Variants in CMC2 observed in about 807,000 individuals in gnomAD.
The protein encoded by CMC2 is COX assembly mitochondrial protein 2 homolog.
CMC2 carries 5 observed loss-of-function variants against 7.5 expected under a neutral mutation model. That is an observed-to-expected ratio of 0.66 (90% CI 0.35 to 1.40). CMC2 has a LOEUF of 1.40. Among genes scored for constraint, CMC2 ranks in the 40% most tolerant of loss-of-function variants. CMC2 has a pLI of 0.04. For synonymous variants in CMC2, 37 were observed against 31.4 expected, an observed-to-expected ratio of 1.18 and a Z score of -0.60; for missense variants, 115 against 92.3, an observed-to-expected ratio of 1.25 and a Z score of -1.01.
chr16:80,982,719 T>G (rs1315512688), intron 2 of CMC2: 1 of 152,228 alleles, frequency 6.6e-6, no homozygotes, highest in African/African-American at 2.4e-5. Flanking sequence ...CTGCGGTATA[T>G]ACTGTACTGC....
chr16:81,001,841 AACAC>A (rs72159358), intron 1 of CMC2, among the ~76,000 whole-genome samples: 18,315 of 150,038 alleles, frequency 0.12, 1,228 homozygotes, highest in East Asian at 0.25. Context: ...GTAACTACTA[AACAC>A]ACACACACAC....
intron 2 of CMC2, among the ~76,000 whole-genome samples, chr16:80,991,393 G>C (rs1967979160): frequency 6.6e-6 from 1 of 152,130 alleles, no homozygotes; most frequent in Non-Finnish European, 1.5e-5. Flanking sequence ...CCAGCACTTT[G>C]GTAGGCTAAG....
Position 80,979,695 on chromosome 16 carries a change from A to G in CMC2, c.153+2111T>C, listed in dbSNP as rs993143504. On this transcript the variant is annotated intron_variant, in intron 3 of 3. Coordinates refer to ENST00000219400, the MANE Select transcript of CMC2 (RefSeq NM_020188.5). ...GAATGCAGTAATGTGATCTGGGCTC[A>G]CCGCAACCTCCGTCTCCCAGGCTCA... 2.6e-5 allele frequency among the ~76,000 whole-genome samples: 4 copies of G among 152,032 alleles called. No homozygotes were observed. The South Asian group carries it at 8.3e-4, about 32-fold the overall frequency.
chr16:80,997,411 T>C lies in CMC2; in HGVS notation c.-17A>G, dbSNP rs1281297384. On this transcript the variant is annotated 5_prime_UTR_variant, in exon 2 of 4. Transcript: ENST00000219400. ...AGGATGCATCTTTAGGAGATGAGGA[T>C]GGATCACAGCAGTGCAACCTGTGGA... 3.1e-6 allele frequency: 5 copies of C among 1,602,324 alleles called. No individual in the cohort carries two copies. Among genetic ancestry groups the C allele is most frequent in the South Asian group, 1.1e-5 (1 of 90,848 alleles).
chr16:80,982,906 C>G (rs62054249), intron 2 of CMC2: 5,656 of 166,716 alleles, frequency 0.034, 125 homozygotes, highest in Non-Finnish European at 0.046. Flanking sequence ...ACTAGTAATG[C>G]TGGAAGTGCT....
intron 1 of CMC2, chr16:80,998,653 C>G (rs927782797): frequency 1.6e-4 from 25 of 152,000 alleles, no homozygotes; most frequent in African/African-American, 5.6e-4. Flanking sequence ...TGGATCAGCA[C>G]AATGTGGTAT....
intron 2 of CMC2, among the ~76,000 whole-genome samples, chr16:80,987,017 A>C (rs1967595148): frequency 6.6e-6 from 1 of 152,210 alleles, no homozygotes; most frequent in African/African-American, 2.4e-5. Flanking sequence ...CCTGTGGAAG[A>C]GTGTTTTGAG....
rs1256201447 is a variant in CMC2 at position 80,975,661 on chromosome 16, AAT to A, written c.*430_*431del. 3 of 153,098 alleles carry A rather than the reference AAT, an allele frequency of 2.0e-5. No individual in the cohort carries two copies. The highest frequency in any genetic ancestry group is 7.2e-5 in the African/African-American group (3 of 41,458). 9.5% of individuals were successfully genotyped at this position (153,098 alleles called of 1,614,324 possible). Reference sequence around the variant, plus strand: ...ATTTAGAAAATCACTCTTTAAAAACAATAAAGTTGCAACATTTTCAAATAGTT... The same window carrying A: ...ATTTAGAAAATCACTCTTTAAAAACAAAAGTTGCAACATTTTCAAATAGTT... On this transcript the variant is annotated 3_prime_UTR_variant, in exon 4 of 4. Transcript: ENST00000219400.
At chr16:80,993,606 A>G (rs1305713599) in intron 2 of CMC2, among the ~76,000 whole-genome samples, 2 of 152,224 alleles carry the variant, frequency 1.3e-5, no homozygotes, top group East Asian at 1.9e-4. Context: ...CTGGGAGTCA[A>G]TGGAGTCCTT....
intron 2 of CMC2, among the ~76,000 whole-genome samples, chr16:80,989,293 C>G (rs1967788544): frequency 6.6e-6 from 1 of 152,162 alleles, no homozygotes; most frequent in Non-Finnish European, 1.5e-5. Flanking sequence ...TAGCACTCCT[C>G]TTATATTTTA....
Position 80,966,596 on chromosome 16 carries a change from A to G in CMC2, c.*9497T>C, listed in dbSNP as rs1262858702. Reference sequence around the variant, plus strand: ...ATTTTATAATACCAATTTCAAAACAATATTATTTTTATTATAAAGTTTTAC... The same window carrying G: ...ATTTTATAATACCAATTTCAAAACAGTATTATTTTTATTATAAAGTTTTAC... On this transcript the variant is annotated 3_prime_UTR_variant, in exon 4 of 4. Transcript: ENST00000219400. The G allele has an allele frequency of 6.6e-6, 1 of 152,190 alleles. No individual in the cohort carries two copies. Among genetic ancestry groups the G allele is most frequent in the Non-Finnish European group, 1.5e-5 (1 of 68,044 alleles). The allele number at this position is 152,190 out of a possible 1,614,324, so 9.4% of individuals were successfully genotyped here.
intron 2 of CMC2, chr16:80,982,514 GAAAAAAAAAAA>G (rs758135840): frequency 7.5e-5 from 3 of 39,786 alleles, no homozygotes; most frequent in East Asian, 8.0e-4. Context: ...TCCGTCTCAG[GAAAAAAAAAAA>G]AAAAAAAAAA....
Position 80,989,990 on chromosome 16 carries a change from A to AT in CMC2, c.81+7323dup, listed in dbSNP as rs542577491. ...ACGTTCAAATTACTTGGGTTAGTTC[A>AT]TTTTTTTCTTTAGTGTAATTAGATG... On this transcript the variant is annotated intron_variant, in intron 2 of 3. Coordinates refer to ENST00000219400, the MANE Select transcript of CMC2 (RefSeq NM_020188.5). Among the ~76,000 whole-genome samples the AT allele has an allele frequency of 3.2e-4, 48 of 151,810 alleles. No individual in the cohort carries two copies. In the East Asian group the frequency reaches 8.1e-3, roughly 26 times the overall value.
intron 3 of CMC2, among the ~76,000 whole-genome samples, chr16:80,979,175 G>C (rs1465697814): frequency 1.3e-5 from 2 of 152,178 alleles, no homozygotes; most frequent in East Asian, 1.9e-4. Context: ...CAAGCATTAA[G>C]AGTAGAGAAG....
At chr16:80,999,060 C>G (rs1280256864) in intron 1 of CMC2, 1 of 152,184 alleles carries the variant, frequency 6.6e-6, no homozygotes, top group Non-Finnish European at 1.5e-5. Context: ...GCTCTCACCA[C>G]TCCTATTCAA....
rs544481388 is a variant in CMC2 at position 81,003,755 on chromosome 16, G to A, written c.-36+2979C>T. ...GCCAACGTAATACTATCCTGTAAGT[G>A]TGGAAATAGTGAGTCTGTCAAGACA... On this transcript the variant is annotated intron_variant, in intron 1 of 3. Coordinates refer to ENST00000219400, the MANE Select transcript of CMC2 (RefSeq NM_020188.5). 2.0e-5 allele frequency among the ~76,000 whole-genome samples: 3 copies of A among 150,682 alleles called. No individual in the cohort carries two copies. In the South Asian group the frequency reaches 6.5e-4, roughly 33 times the overall value.
At chr16:80,993,241 A>G (rs1968147798) in intron 2 of CMC2, among the ~76,000 whole-genome samples, 1 of 152,226 alleles carries the variant, frequency 6.6e-6, no homozygotes, top group Non-Finnish European at 1.5e-5. Flanking sequence ...ACAACAGACT[A>G]CAGGACTGTG....
At chr16:81,006,647 A>T (rs1969373173) in intron 1 of CMC2, 87 bp downstream of exon 1, 1 of 938,160 alleles carries the variant, frequency 1.1e-6, no homozygotes, top group South Asian at 4.9e-5. Flanking sequence ...GACGGGCGGC[A>T]GGAAGGGGCT....
chr16:80,983,025 T>C (rs1164969595), intron 2 of CMC2: 2 of 175,564 alleles, frequency 1.1e-5, no homozygotes, highest in South Asian at 1.4e-4. Context: ...CGGACTGACA[T>C]ACATCATCTT....
Sources: allele counts gnomAD v4.1 joint callset (sites outside exome capture counted in the v4.1 genomes callset), GRCh38; gene constraint gnomAD v4.1.1; transcripts MANE v1.5; gene names NCBI Gene and HGNC (gene_info 2026-07-23, HGNC 2026-07-21).